Variants in CHST11 observed in about 807,000 individuals in gnomAD.
CHST11 encodes the protein carbohydrate sulfotransferase 11, also known as C4S-1.
Under a neutral mutation model 30.4 loss-of-function variants are expected in CHST11, and 9 were observed. The ratio of observed to expected loss-of-function variants is 0.30; its 90% CI spans 0.18 to 0.52. The LOEUF is 0.52. CHST11 is among the 20% of genes least tolerant of loss of function. The pLI is 0.97. For synonymous variants in CHST11, 152 were observed against 187.8 expected (o/e 0.81, Z 1.56); for missense variants, 348 against 460.6 (o/e 0.76, Z 2.24).
chr12:104,637,148 C>CA (rs1040350673), intron 2 of CHST11, among the ~76,000 whole-genome samples: 5 of 150,926 alleles, frequency 3.3e-5, no homozygotes, highest in East Asian at 1.9e-4. Context: ...ACTAAAAATA[C>CA]AAAAAAATGA....
At chr12:104,547,866 T>C (rs2038366289) in intron 1 of CHST11, among the ~76,000 whole-genome samples, 1 of 152,254 alleles carries the variant, frequency 6.6e-6, no homozygotes, top group Admixed American at 6.5e-5. Flanking sequence ...CCCTGATTCT[T>C]GTTTTTGAAT....
At chr12:104,680,733 AG>A in intron 2 of CHST11, among the ~76,000 whole-genome samples, 1 of 152,210 alleles carries the variant, frequency 6.6e-6, no homozygotes, top group East Asian at 1.9e-4. Context: ...TGAAATCATC[AG>A]GTCACCCTGA....
In CHST11 at chr12:104,600,167, G is replaced by A. The variant is rs527860510; in HGVS notation, c.119-1739G>A. 8.5e-5 allele frequency among the ~76,000 whole-genome samples: 13 copies of A among 152,314 alleles called. No individual in the cohort carries two copies. Among genetic ancestry groups the A allele is most frequent in the Middle Eastern group, 3.4e-3 (1 of 294 alleles). ...GATGATTGACTTTCAGAGTTTCCAC[G>A]TGGCTCAAAGTGACAAGTCAACGGA... On this transcript the variant is annotated intron_variant, in intron 1 of 2. Transcript: ENST00000303694. The surrounding 1 kb of genome is among the most constrained non-coding windows in gnomAD (Gnocchi z 4.1).
chr12:104,599,790 G>T (rs939450889), intron 1 of CHST11, among the ~76,000 whole-genome samples: 2 of 152,158 alleles, frequency 1.3e-5, no homozygotes, highest in African/African-American at 4.8e-5. Flanking sequence ...TAGGGCAAGG[G>T]TTGGCAAACT....
chr12:104,579,171 G>A (rs561626280), intron 1 of CHST11, among the ~76,000 whole-genome samples: 77 of 152,330 alleles, frequency 5.1e-4, no homozygotes, highest in African/African-American at 1.7e-3. Flanking sequence ...CGAGGGTTGG[G>A]TCTGTTTCCC....
intron 2 of CHST11, among the ~76,000 whole-genome samples, chr12:104,702,963 G>C (rs905684375): frequency 6.6e-6 from 1 of 152,146 alleles, no homozygotes; most frequent in Non-Finnish European, 1.5e-5. Context: ...TGGAGGGGAC[G>C]GCAGGCGTGT....
intron 1 of CHST11, among the ~76,000 whole-genome samples, chr12:104,563,349 G>C (rs1220044002): frequency 6.6e-6 from 1 of 152,148 alleles, no homozygotes; most frequent in Non-Finnish European, 1.5e-5. Flanking sequence ...TTGTTGAGCT[G>C]ATGGTGTCTG....
At chr12:104,637,079 G>T (rs1394891284) in intron 2 of CHST11, among the ~76,000 whole-genome samples, 1 of 151,816 alleles carries the variant, frequency 6.6e-6, no homozygotes, top group Non-Finnish European at 1.5e-5. Context: ...GAGGCAGGTG[G>T]ATTGCTTGAT....
intron 2 of CHST11, among the ~76,000 whole-genome samples, chr12:104,687,373 A>T (rs2039855792): frequency 6.6e-6 from 1 of 152,264 alleles, no homozygotes; most frequent in African/African-American, 2.4e-5. Context: ...GATGGTTAAT[A>T]ACAATGGTTC....
At chr12:104,524,358 T>G (rs1361312156) in intron 1 of CHST11, among the ~76,000 whole-genome samples, 1 of 152,182 alleles carries the variant, frequency 6.6e-6, no homozygotes, top group Non-Finnish European at 1.5e-5. Flanking sequence ...CATTTGACCC[T>G]TAGTCAGAGA....
chr12:104,749,392 TA>T (rs1301416351), intron 2 of CHST11, among the ~76,000 whole-genome samples: 2 of 152,234 alleles, frequency 1.3e-5, no homozygotes, highest in Non-Finnish European at 2.9e-5. Context: ...CCTCATAGAA[TA>T]TTTTTTTTCT....
At chr12:104,639,918 A>G (rs2039359322) in intron 2 of CHST11, among the ~76,000 whole-genome samples, 2 of 152,208 alleles carry the variant, frequency 1.3e-5, no homozygotes, top group African/African-American at 4.8e-5. Context: ...AATGGGTGAA[A>G]GATACAAACA....
intron 1 of CHST11, among the ~76,000 whole-genome samples, chr12:104,507,587 T>C (rs1203819664): frequency 6.6e-6 from 1 of 152,206 alleles, no homozygotes; most frequent in African/African-American, 2.4e-5. Flanking sequence ...ACTACCTCAG[T>C]AGCACACAGT....
chr12:104,712,704 C>G (rs919407900), intron 2 of CHST11, among the ~76,000 whole-genome samples: 1 of 152,122 alleles, frequency 6.6e-6, no homozygotes, highest in Non-Finnish European at 1.5e-5. Context: ...TGAACAGTCC[C>G]CCTGACATTG....
At chr12:104,592,591 T>C (rs1027043343) in intron 1 of CHST11, among the ~76,000 whole-genome samples, 1 of 152,208 alleles carries the variant, frequency 6.6e-6, no homozygotes, top group Non-Finnish European at 1.5e-5. Context: ...TGAATTTTAG[T>C]GGGGACACAA....
intron 1 of CHST11, among the ~76,000 whole-genome samples, chr12:104,543,900 G>A (rs531083696): frequency 1.8e-4 from 27 of 152,048 alleles, no homozygotes; most frequent in Middle Eastern, 6.8e-3. Context: ...AGGCCAAGGC[G>A]GGAGGATCCT....
chr12:104,512,294 T>A (rs2037972931), intron 1 of CHST11, among the ~76,000 whole-genome samples: 1 of 152,198 alleles, frequency 6.6e-6, no homozygotes, highest in Admixed American at 6.5e-5. Context: ...CAGGATCCTT[T>A]GTGGAGGCAA....
At chr12:104,609,111 T>C (rs1245074371) in intron 2 of CHST11, among the ~76,000 whole-genome samples, 1 of 152,248 alleles carries the variant, frequency 6.6e-6, no homozygotes, top group Non-Finnish European at 1.5e-5. Context: ...TCACATATGC[T>C]GGGGAAGGCA....
intron 1 of CHST11, among the ~76,000 whole-genome samples, chr12:104,559,026 G>T (rs568627368): frequency 6.6e-6 from 1 of 151,990 alleles, no homozygotes; most frequent in East Asian, 1.9e-4. Flanking sequence ...AGGCTTCTGA[G>T]GCAGGAGTGT....
Sources: allele counts gnomAD v4.1 joint callset (sites outside exome capture counted in the v4.1 genomes callset), GRCh38; gene constraint gnomAD v4.1.1; non-coding constraint Gnocchi (gnomAD v3.1); transcripts MANE v1.5; gene names NCBI Gene and HGNC (gene_info 2026-07-23, HGNC 2026-07-21).